ADGRE3: variants seen among roughly 807,000 people sequenced by gnomAD.
ADGRE3 encodes the protein adhesion G protein-coupled receptor E3.
Under a neutral mutation model 80.1 loss-of-function variants are expected in ADGRE3, and 88 were observed. The observed-to-expected ratio is 1.10, with a 90% confidence interval of 0.93 to 1.31. The LOEUF (loss-of-function observed/expected upper bound fraction) is 1.31. Among genes scored for constraint, ADGRE3 ranks in the 40% most tolerant of loss-of-function variants. The pLI, the probability that ADGRE3 is intolerant of heterozygous loss-of-function variation, is 0.00. For synonymous variants in ADGRE3, 281 were observed against 294.8 expected, an observed-to-expected ratio of 0.95 and a Z score of 0.48; for missense variants, 715 against 776.5, an observed-to-expected ratio of 0.92 and a Z score of 0.94.
intron 7 of ADGRE3, among the ~76,000 whole-genome samples, chr19:14,649,474 CT>C: frequency 6.7e-6 from 1 of 150,298 alleles, no homozygotes; most frequent in Admixed American, 6.6e-5. Context: ...TTCCCCATCT[CT>C]CTCTTTTGAT....
At chr19:14,663,372 AATG>A in intron 3 of ADGRE3, 43 bp downstream of exon 3, 1 of 1,207,288 alleles carries the variant, frequency 8.3e-7, no homozygotes, top group Non-Finnish European at 1.1e-6. Flanking sequence ...CTCTAATAAT[AATG>A]ATAATAAAAT....
At chr19:14,607,007 G>T in the ADGRE3 span, 1 of 1,289,660 alleles carries the variant, frequency 7.8e-7, no homozygotes, top group Non-Finnish European at 9.9e-7. Context: ...TTGTGGCCAA[G>T]GCCCATGGCT....
intron 15 of ADGRE3, among the ~76,000 whole-genome samples, 168 bp downstream of exon 15, chr19:14,625,324 A>G (rs958547116): frequency 6.6e-6 from 1 of 152,204 alleles, no homozygotes; most frequent in Non-Finnish European, 1.5e-5. Flanking sequence ...AGGTGCAGCA[A>G]ACCACCATGG....
intron 1 of ADGRE3, among the ~76,000 whole-genome samples, chr19:14,672,465 G>C (rs150251516): frequency 2.5e-4 from 38 of 152,304 alleles, no homozygotes; most frequent in African/African-American, 8.7e-4. Flanking sequence ...CTACTTTGTG[G>C]GGTTTTGGAG....
Position 14,620,564 on chromosome 19 carries a change from ATATATTTTTTTTT to A in ADGRE3, c.1921-1106_1921-1094del, listed in dbSNP as rs1970567974. ...ATATATATATTATATATATATATATATATATTTTTTTTTTTTTTTTTTTTTTTTTTTTTGAGAC... is the reference window on the plus strand; with the variant it reads ...ATATATATATTATATATATATATATATTTTTTTTTTTTTTTTTTTTGAGAC... On this transcript the variant is annotated intron_variant, in intron 15 of 15. Coordinates refer to ENST00000253673, the MANE Select transcript of ADGRE3 (RefSeq NM_032571.5). Among the ~76,000 whole-genome samples, 9 of 34,342 alleles carry A rather than the reference ATATATTTTTTTTT, an allele frequency of 2.6e-4. 2 individuals carry two copies. Among genetic ancestry groups the A allele is most frequent in the Admixed American group, 1.6e-3 (3 of 1,820 alleles). The allele number at this position is 34,342 out of a possible 152,430, so 22.5% of individuals were successfully genotyped here.
At chr19:14,611,449 C>T in the ADGRE3 span, among the ~76,000 whole-genome samples, 1 of 136,842 alleles carries the variant, frequency 7.3e-6, no homozygotes, top group African/African-American at 2.8e-5. Flanking sequence ...ACAATCATAG[C>T]TTACTGCACC....
chr19:14,656,948 T>C (rs1971784049), intron 5 of ADGRE3, among the ~76,000 whole-genome samples: 1 of 152,192 alleles, frequency 6.6e-6, no homozygotes, highest in Non-Finnish European at 1.5e-5. Context: ...CAGGCTGGAG[T>C]GCAGTGACGT....
At position 14,636,064 on chromosome 19, in the gene ADGRE3, T is replaced by TC. The variant is rs1568481062; in HGVS notation, c.1484+2040dup. 7.1e-4 allele frequency among the ~76,000 whole-genome samples: 74 copies of TC among 104,672 alleles called. 2 individuals are homozygous for TC. The highest frequency in any genetic ancestry group is 1.6e-3 in the African/African-American group (42 of 26,068). The allele number at this position is 104,672 out of a possible 152,430, so 68.7% of individuals were successfully genotyped here. ...TCCTTCCTTCCTTCCTTCCTTCCTTTCCTTTCCTTTCCTTTCCCTTTCTTT... is the reference window on the plus strand; with the variant it reads ...TCCTTCCTTCCTTCCTTCCTTCCTTTCCCTTTCCTTTCCTTTCCCTTTCTTT... On this transcript the variant is annotated intron_variant, in intron 11 of 15. Coordinates refer to ENST00000253673, the MANE Select transcript of ADGRE3 (RefSeq NM_032571.5).
chr19:14,662,019 T>C lies in ADGRE3; in HGVS notation c.299A>G (p.Tyr100Cys). Residue 100 changes from tyrosine to cysteine, a missense_variant, in exon 4 of 16, where the codon TAT (tyrosine) becomes TGT (cysteine). Coordinates refer to ENST00000253673, the MANE Select transcript of ADGRE3 (RefSeq NM_032571.5). The part of the protein sequence containing the change: ...GSFYCQCVPG[Y>C]RLHSGNEQFS... The stretch of plus-strand genomic sequence containing the variant: ...TTGTTCATTCCCAGAATGCAGTCTA[T>C]ATCCTGGGACACATTGACAGTAGAA... 1.9e-6 allele frequency: 3 copies of C among 1,614,010 alleles called. No homozygotes were observed. The highest frequency in any genetic ancestry group is 1.1e-5 in the South Asian group (1 of 91,080).
At chr19:14,658,429 C>T in intron 5 of ADGRE3, 84 bp downstream of exon 5, 1 of 928,094 alleles carries the variant, frequency 1.1e-6, no homozygotes. Flanking sequence ...TAAATCCATC[C>T]CCATTTGCTC....
chr19:14,658,443 T>G, intron 5 of ADGRE3, 70 bp downstream of exon 5: 1 of 1,239,540 alleles, frequency 8.1e-7, no homozygotes, highest in Non-Finnish European at 1.1e-6. Flanking sequence ...TTTGCTCACT[T>G]TGGGCTTTGT....
the ADGRE3 span, among the ~76,000 whole-genome samples, chr19:14,606,592 A>G: frequency 2.0e-5 from 3 of 151,228 alleles, no homozygotes; most frequent in Admixed American, 6.6e-5. Context: ...AGGCGGGAGA[A>G]TCGCTTGAAC....
At chr19:14,633,323 G>C (rs968667510) in intron 11 of ADGRE3, 21 bp from the exon 12 acceptor site, 7 of 1,582,378 alleles carry the variant, frequency 4.4e-6, no homozygotes, top group Non-Finnish European at 4.3e-6. Flanking sequence ...TGGGAAAAGA[G>C]ATACAAAGAG....
At position 14,652,693 on chromosome 19, in the gene ADGRE3, G is replaced by A. The variant is rs936809323; in HGVS notation, c.578-1489C>T. ...CTAGGAAGGCTGAGGCAGGAGAATT[G>A]CTTGAACCCAGGAGGCAGAGGTTGC... is the stretch of plus-strand genomic sequence containing the variant. On this transcript the variant is annotated intron_variant, in intron 6 of 15. Coordinates refer to ENST00000253673, the MANE Select transcript of ADGRE3 (RefSeq NM_032571.5). 7.4e-5 allele frequency among the ~76,000 whole-genome samples: 11 copies of A among 149,566 alleles called. No individual in the cohort carries two copies. In the Admixed American group the frequency reaches 7.5e-4, roughly 10 times the overall value.
chr19:14,649,586 T>C lies in ADGRE3; in HGVS notation c.697+1499A>G, dbSNP rs111174204. ...TCCATCTCTCTCCATCTCTTTCTCC[T>C]CATCTCTCTCTTTCGATCTCTGTCT... is the stretch of plus-strand genomic sequence containing the variant. On this transcript the variant is annotated intron_variant, in intron 7 of 15. Coordinates refer to ENST00000253673, the MANE Select transcript of ADGRE3 (RefSeq NM_032571.5). Among the ~76,000 whole-genome samples the C allele has an allele frequency of 4.4e-3, 431 of 97,976 alleles. 1 individual carries two copies. Among genetic ancestry groups the C allele is most frequent in the African/African-American group, 0.011 (275 of 24,330 alleles). 64.3% of individuals were successfully genotyped at this position (97,976 alleles called of 152,430 possible). A position where few individuals can be genotyped will look rare whatever the true frequency, so the allele number is the denominator to read the frequency against.
intron 11 of ADGRE3, among the ~76,000 whole-genome samples, chr19:14,636,969 C>T (rs1971107804): frequency 6.6e-6 from 1 of 152,020 alleles, no homozygotes; most frequent in Non-Finnish European, 1.5e-5. Context: ...TTGTGGGCAC[C>T]TGTAATCTCA....
In ADGRE3 at chr19:14,625,478, G is replaced by C; in HGVS notation, c.1920+14C>G. 1 of 1,477,062 alleles carries C rather than the reference G, an allele frequency of 6.8e-7. No individual in the cohort carries two copies. Among genetic ancestry groups the C allele is most frequent in the Non-Finnish European group, 9.4e-7 (1 of 1,058,566 alleles). The allele number at this position is 1,477,062 out of a possible 1,614,324, so 91.5% of individuals were successfully genotyped here. On this transcript the variant is annotated intron_variant, in intron 15 of 15. Transcript: ENST00000253673. ...GTATGTAAAACATTAGAACAATTCA[G>C]ATGTTTCACTTACCTCACTGGGTTT...
At chr19:14,613,590 A>T in the ADGRE3 span, among the ~76,000 whole-genome samples, 1 of 152,266 alleles carries the variant, frequency 6.6e-6, no homozygotes, top group South Asian at 2.1e-4. Flanking sequence ...TATAGCAAGG[A>T]GACTGTGAGG....
At chr19:14,658,611 G>A in intron 4 of ADGRE3, 61 bp from the exon 5 acceptor site, 1 of 1,333,924 alleles carries the variant, frequency 7.5e-7, no homozygotes. Flanking sequence ...CAGAGGGGTG[G>A]GCAGGTGGGG....
Sources: gnomAD v4.1 joint callset for allele counts (sites outside exome capture counted in the v4.1 genomes callset) on GRCh38, gnomAD v4.1.1 for gene constraint, MANE v1.5 for transcripts, NCBI Gene and HGNC (gene_info 2026-07-23, HGNC 2026-07-21) for gene names.